CDC42BPA: variants seen among roughly 807,000 people sequenced by gnomAD.
The protein encoded by CDC42BPA is CDC42 binding protein kinase alpha, also known as serine/threonine-protein kinase MRCK alpha.
CDC42BPA carries 80 observed loss-of-function variants against 223.5 expected under a neutral mutation model. That is an observed-to-expected ratio of 0.36 (90% confidence interval 0.30 to 0.43). The LOEUF (loss-of-function observed/expected upper bound fraction) is 0.43, where lower values mean the gene tolerates loss of function less well. CDC42BPA is among the 20% of genes least tolerant of loss of function. The pLI is 1.00. For synonymous variants in CDC42BPA, 694 were observed against 718.6 expected (o/e 0.97, Z 0.55); for missense variants, 1,743 against 2,099.9 (o/e 0.83, Z 3.32).
intron 34 of CDC42BPA, among the ~76,000 whole-genome samples, chr1:227,008,028 A>T (rs546189261): frequency 6.6e-6 from 1 of 152,330 alleles, no homozygotes; most frequent in African/African-American, 2.4e-5. Context: ...GGTTATAAGC[A>T]GGCATATGGT....
chr1:227,243,372 A>G (rs569044656), intron 2 of CDC42BPA, among the ~76,000 whole-genome samples: 3 of 151,118 alleles, frequency 2.0e-5, no homozygotes, highest in South Asian at 2.1e-4. Context: ...TAAAAAATTA[A>G]TAAGTGGCAC....
intron 5 of CDC42BPA, among the ~76,000 whole-genome samples, chr1:227,164,924 C>T (rs891886106): frequency 1.3e-5 from 2 of 152,074 alleles, no homozygotes; most frequent in Non-Finnish European, 2.9e-5. Flanking sequence ...GAGAGAAAGA[C>T]AGGTTTTAGG....
At chr1:227,042,314 A>C (rs1041993671) in intron 23 of CDC42BPA, among the ~76,000 whole-genome samples, 1 of 143,396 alleles carries the variant, frequency 7.0e-6, no homozygotes, top group Non-Finnish European at 1.5e-5. Context: ...ATATATATAT[A>C]TCATACACTT....
At chr1:227,250,286 G>A (rs908618021) in intron 2 of CDC42BPA, among the ~76,000 whole-genome samples, 2 of 151,982 alleles carry the variant, frequency 1.3e-5, no homozygotes, top group Admixed American at 6.6e-5. Flanking sequence ...TCAGGAGTTC[G>A]AGACCAGCCT....
At position 227,038,995 on chromosome 1, in the gene CDC42BPA, G is replaced by A. The variant is rs550702420; in HGVS notation, c.3199+1136C>T. Among the ~76,000 whole-genome samples the A allele has an allele frequency of 5.1e-4, 77 of 152,260 alleles. 1 individual carries two copies. The South Asian group carries it at 0.012, about 23-fold the overall frequency. On this transcript the variant is annotated intron_variant, in intron 24 of 36. Transcript: ENST00000366766. ...ATAGCCAAAGCTTTAGCAGAAAAAC[G>A]CCTGGGAAAAGCTTCACCAGAGTCC...
At chr1:227,240,447 TAAA>T (rs1226539355) in intron 2 of CDC42BPA, among the ~76,000 whole-genome samples, 3 of 152,000 alleles carry the variant, frequency 2.0e-5, no homozygotes, top group African/African-American at 7.2e-5. Context: ...TTCGAATAAT[TAAA>T]ACAATCTTGA....
intron 15 of CDC42BPA, among the ~76,000 whole-genome samples, chr1:227,096,929 T>C (rs1684111247): frequency 6.6e-6 from 1 of 152,108 alleles, no homozygotes; most frequent in African/African-American, 2.4e-5. Context: ...ACAAGTTCAA[T>C]ATGCCCAACT....
chr1:227,060,932 G>C (rs1269790782), intron 21 of CDC42BPA, among the ~76,000 whole-genome samples: 1 of 151,916 alleles, frequency 6.6e-6, no homozygotes, highest in East Asian at 1.9e-4. Context: ...ATGTTGGCCA[G>C]GCTGGTCTCG....
chr1:227,265,589 A>T (rs1328753732), intron 1 of CDC42BPA, among the ~76,000 whole-genome samples: 1 of 151,332 alleles, frequency 6.6e-6, no homozygotes, highest in Non-Finnish European at 1.5e-5. Flanking sequence ...AGATCACGCC[A>T]CTGCACTCCA....
At chr1:227,175,013 T>A (rs1325550664) in intron 5 of CDC42BPA, among the ~76,000 whole-genome samples, 3 of 152,148 alleles carry the variant, frequency 2.0e-5, no homozygotes, top group African/African-American at 7.2e-5. Flanking sequence ...GATTCTTTAT[T>A]CCTTTTTATA....
At chr1:227,055,637 G>A (rs536697800) in intron 21 of CDC42BPA, among the ~76,000 whole-genome samples, 2 of 152,078 alleles carry the variant, frequency 1.3e-5, no homozygotes, top group East Asian at 3.9e-4. Flanking sequence ...AGCCATGGAA[G>A]TTAAAATATT....
At chr1:227,125,746 C>T (rs954117766) in intron 11 of CDC42BPA, among the ~76,000 whole-genome samples, 1 of 151,782 alleles carries the variant, frequency 6.6e-6, no homozygotes. Context: ...GGTTGGGTTT[C>T]GGATCCAAAG....
chr1:226,994,719 C>G lies in CDC42BPA; in HGVS notation c.5133+104G>C, dbSNP rs1297743190. On this transcript the variant is annotated intron_variant, in intron 36 of 36. Transcript: ENST00000366766. This position sits in a 1 kb window ranked among gnomAD's most constrained non-coding sequence, Gnocchi z 4.0. ...CAAGAGTGAATGCTGGCCCCTGACC[C>G]CGAACCCTGCTGCAGCTGAGGCCAA... is the stretch of plus-strand genomic sequence containing the variant. The G allele has an allele frequency of 8.0e-6, 10 of 1,250,184 alleles. No individual in the cohort carries two copies. Among genetic ancestry groups the G allele is most frequent in the Admixed American group, 2.2e-5 (1 of 45,332 alleles). 77.4% of individuals were successfully genotyped at this position (1,250,184 alleles called of 1,614,324 possible).
chr1:227,242,168 T>A (rs1478456490), intron 2 of CDC42BPA, among the ~76,000 whole-genome samples: 2 of 152,122 alleles, frequency 1.3e-5, no homozygotes, highest in African/African-American at 2.4e-5. Context: ...AATATCATAG[T>A]AAAATCATAT....
chr1:227,002,037 T>C (rs1014213171), intron 35 of CDC42BPA, among the ~76,000 whole-genome samples: 2 of 152,268 alleles, frequency 1.3e-5, no homozygotes, highest in Non-Finnish European at 2.9e-5. Context: ...TTTATTCCTA[T>C]ATTTACAGTG....
intron 3 of CDC42BPA, among the ~76,000 whole-genome samples, chr1:227,211,052 A>G (rs1054097401): frequency 3.3e-5 from 5 of 152,204 alleles, no homozygotes; most frequent in African/African-American, 1.2e-4. Context: ...ATTTCTCAAA[A>G]GAAATCCCAA....
chr1:227,113,812 A>C (rs1687322496), intron 12 of CDC42BPA, among the ~76,000 whole-genome samples: 1 of 151,512 alleles, frequency 6.6e-6, no homozygotes. Context: ...AAGGAGTTCA[A>C]GATCAGCCTA....
intron 6 of CDC42BPA, among the ~76,000 whole-genome samples, chr1:227,152,099 TGTA>T (rs1217114221): frequency 6.6e-6 from 1 of 152,138 alleles, no homozygotes; most frequent in East Asian, 1.9e-4. Flanking sequence ...GTTGCTGACT[TGTA>T]GGAGTTTTTA....
chr1:227,138,299 G>A (rs894217096), intron 10 of CDC42BPA, among the ~76,000 whole-genome samples: 2 of 151,872 alleles, frequency 1.3e-5, no homozygotes, highest in Admixed American at 6.5e-5. Flanking sequence ...AGAGAAAAAA[G>A]CAGAAAAAGG....
Sources: allele counts gnomAD v4.1 joint callset (sites outside exome capture counted in the v4.1 genomes callset), GRCh38; gene constraint gnomAD v4.1.1; non-coding constraint Gnocchi (gnomAD v3.1); transcripts MANE v1.5; gene names NCBI Gene and HGNC (gene_info 2026-07-23, HGNC 2026-07-21).